Variants in BABAM2 observed in about 807,000 individuals in gnomAD.
BABAM2 encodes the protein BRISC and BRCA1 A complex member 2, also known as BRISC and BRCA1-A complex member 2.
In BABAM2, 31 loss-of-function variants were observed where a neutral mutation model predicts 54.7. The ratio of observed to expected loss-of-function variants is 0.57; its 90% CI spans 0.43 to 0.77. BABAM2 has a LOEUF of 0.77. Ranked by LOEUF, BABAM2 falls within the 30% of genes least tolerant of loss-of-function variation. The pLI is 0.00. For missense variants in BABAM2, 364 were observed against 455.8 expected (o/e 0.80, Z 1.83); for synonymous variants, 167 against 162.9 (o/e 1.03, Z -0.19).
intron 4 of BABAM2, among the ~76,000 whole-genome samples, chr2:27,998,997 A>G (rs1360370058): frequency 1.3e-5 from 2 of 152,230 alleles, no homozygotes; most frequent in African/African-American, 4.8e-5. Flanking sequence ...AGCAAATTAC[A>G]GTACAGTATA....
intron 10 of BABAM2, among the ~76,000 whole-genome samples, chr2:28,291,583 A>G (rs1264996405): frequency 6.6e-6 from 1 of 151,880 alleles, no homozygotes; most frequent in Non-Finnish European, 1.5e-5. Flanking sequence ...AACAAGAGTG[A>G]AACTCCGTCT....
chr2:28,237,311 A>T lies in BABAM2; in HGVS notation c.780+10A>T. On this transcript the variant is annotated intron_variant, in intron 8 of 11. Transcript: ENST00000379624. The stretch of plus-strand genomic sequence containing the variant: ...CCTGCTCACCAACAAGGTAAAAGCA[A>T]GTCCCCAACTCATCCCTCTTATGAG... 2 of 1,600,432 alleles carry T rather than the reference A, an allele frequency of 1.2e-6. No individual in the cohort carries two copies. Among genetic ancestry groups the T allele is most frequent in the Non-Finnish European group, 1.7e-6 (2 of 1,167,912 alleles).
chr2:27,919,867 A>T (rs1051528236), intron 2 of BABAM2, among the ~76,000 whole-genome samples: 7 of 152,342 alleles, frequency 4.6e-5, no homozygotes, highest in Middle Eastern at 6.8e-3. Flanking sequence ...TTTATCATTT[A>T]TAAATGGAGA....
At chr2:28,029,540 T>A (rs927884221) in intron 5 of BABAM2, among the ~76,000 whole-genome samples, 2 of 152,230 alleles carry the variant, frequency 1.3e-5, no homozygotes, top group Non-Finnish European at 2.9e-5. Context: ...TTCCTTCCTT[T>A]TTAAGGCTGC....
intron 4 of BABAM2, among the ~76,000 whole-genome samples, chr2:28,010,766 G>A (rs939376346): frequency 6.6e-6 from 1 of 151,994 alleles, no homozygotes; most frequent in Non-Finnish European, 1.5e-5. Context: ...TAAGGACCTG[G>A]TTTCTTCCCA....
At chr2:27,903,942 A>G (rs943265036) in intron 2 of BABAM2, among the ~76,000 whole-genome samples, 5 of 152,134 alleles carry the variant, frequency 3.3e-5, no homozygotes, top group South Asian at 2.1e-4. Context: ...GTGTATCTGA[A>G]TTGCCAGCAT....
intron 7 of BABAM2, among the ~76,000 whole-genome samples, chr2:28,223,546 CGT>C (rs1057321104): frequency 1.3e-5 from 2 of 152,224 alleles, no homozygotes; most frequent in African/African-American, 4.8e-5. Context: ...TTGACTTGAT[CGT>C]ACTCTCTGCT....
At chr2:28,014,814 AAAAAT>A (rs2148540496) in intron 4 of BABAM2, among the ~76,000 whole-genome samples, 1 of 152,246 alleles carries the variant, frequency 6.6e-6, no homozygotes, top group South Asian at 2.1e-4. Context: ...AATTCATACA[AAAAAT>A]AAACTATCAC....
Position 28,330,177 on chromosome 2 carries a change from A to G in BABAM2, c.1089-8273A>G, listed in dbSNP as rs542403670. 3.3e-5 allele frequency among the ~76,000 whole-genome samples: 5 copies of G among 152,320 alleles called. No individual in the cohort carries two copies. The East Asian group carries it at 9.6e-4, about 29-fold the overall frequency. On this transcript the variant is annotated intron_variant, in intron 11 of 11. Transcript: ENST00000379624. ...TCAATAAACTAGGTATTGGTGGAAC[A>G]TACCTCAAAATAATAAGAGCCATTT...
intron 10 of BABAM2, among the ~76,000 whole-genome samples, chr2:28,278,169 A>G (rs894113831): frequency 3.3e-5 from 5 of 152,222 alleles, no homozygotes; most frequent in African/African-American, 9.6e-5. Flanking sequence ...ACCCTTTTAT[A>G]TACACCGTTC....
chr2:28,168,642 T>C (rs187385158), intron 7 of BABAM2, among the ~76,000 whole-genome samples: 69 of 152,350 alleles, frequency 4.5e-4, no homozygotes, highest in Non-Finnish European at 5.6e-4. Flanking sequence ...AGTTTACTTA[T>C]CATTCTTAGA....
intron 4 of BABAM2, among the ~76,000 whole-genome samples, chr2:28,001,765 T>C (rs1159151773): frequency 1.3e-5 from 2 of 150,806 alleles, no homozygotes; most frequent in Admixed American, 6.6e-5. Context: ...AGGAGGGGGG[T>C]GCTACACTTC....
At chr2:27,912,542 A>G (rs538124168) in intron 2 of BABAM2, among the ~76,000 whole-genome samples, 125 of 152,298 alleles carry the variant, frequency 8.2e-4, no homozygotes, top group African/African-American at 3.0e-3. Context: ...GAGAACCAAT[A>G]TAGTTCAAAT....
At chr2:28,116,501 A>G (rs1668628519) in intron 6 of BABAM2, among the ~76,000 whole-genome samples, 1 of 152,190 alleles carries the variant, frequency 6.6e-6, no homozygotes, top group African/African-American at 2.4e-5. Context: ...ATGGGCACAG[A>G]CAGTCTGAGC....
intron 7 of BABAM2, among the ~76,000 whole-genome samples, chr2:28,143,515 C>T (rs1489906988): frequency 6.6e-6 from 1 of 152,056 alleles, no homozygotes; most frequent in Non-Finnish European, 1.5e-5. Context: ...TTAACACACA[C>T]ACAAGTAACT....
chr2:27,999,889 T>G (rs891415017), intron 4 of BABAM2, among the ~76,000 whole-genome samples: 1 of 152,206 alleles, frequency 6.6e-6, no homozygotes, highest in Non-Finnish European at 1.5e-5. Context: ...TTCACTTGTT[T>G]CAAAGGCTGT....
intron 2 of BABAM2, among the ~76,000 whole-genome samples, chr2:27,917,275 C>T (rs1229874744): frequency 1.3e-5 from 2 of 152,106 alleles, no homozygotes; most frequent in Non-Finnish European, 2.9e-5. Context: ...CTCATCCTCC[C>T]AAAATGGTGG....
intron 8 of BABAM2, among the ~76,000 whole-genome samples, chr2:28,239,710 G>C (rs1236885683): frequency 6.6e-6 from 1 of 152,190 alleles, no homozygotes; most frequent in African/African-American, 2.4e-5. Context: ...GTCAGCTGAT[G>C]TATGCAAAAG....
chr2:28,018,326 G>A (rs895113266), intron 4 of BABAM2, among the ~76,000 whole-genome samples: 3 of 152,102 alleles, frequency 2.0e-5, no homozygotes, highest in South Asian at 2.1e-4. Flanking sequence ...AGGTTGTTGC[G>A]AATGCCATTA....
Sources: allele counts gnomAD v4.1 joint callset (sites outside exome capture counted in the v4.1 genomes callset), GRCh38; gene constraint gnomAD v4.1.1; transcripts MANE v1.5; gene names NCBI Gene and HGNC (gene_info 2026-07-23, HGNC 2026-07-21).